The following RRM1 variants were observed in gnomAD, a reference collection of about 807,000 sequenced individuals.
RRM1 encodes ribonucleotide reductase catalytic subunit M1, also known as ribonucleoside-diphosphate reductase large subunit.
In RRM1, 19 loss-of-function variants were observed where a neutral mutation model predicts 101.5. The observed-to-expected ratio is 0.19, with a 90% CI of 0.13 to 0.27. The LOEUF is 0.27. Among genes scored for constraint, RRM1 ranks in the 10% least tolerant of loss-of-function variants. The pLI is 1.00. For synonymous variants in RRM1, 298 were observed against 323.4 expected, an observed-to-expected ratio of 0.92 and a Z score of 0.84; for missense variants, 500 against 962.9, an observed-to-expected ratio of 0.52 and a Z score of 6.36.
intron 15 of RRM1, among the ~76,000 whole-genome samples, chr11:4,130,086 A>ATATATATTTTTTT (rs1202870487): frequency 7.0e-5 from 7 of 99,446 alleles, no homozygotes; most frequent in Admixed American, 2.2e-4. Context: ...ATATATATAT[A>ATATATATTTTTTT]TTTTTTTTTT....
chr11:4,111,623 T>C lies in RRM1; in HGVS notation c.470T>C (p.Leu157Ser). The change falls in exon 6 of 19, where the codon TTG (leucine) becomes TCG (serine). Residue 157 changes from leucine to serine, a missense_variant. Physicochemically the swap from Leu to Ser is moderately radical, Grantham distance 145. Around this residue, in one of 9 missense-constraint regions of RRM1, gnomAD observed 111 missense variants for 219.8 expected, o/e 0.51. Coordinates refer to ENST00000300738, the MANE Select transcript of RRM1 (RefSeq NM_001033.5). ...TAGACGCTAGAGCGGTCTTATTTGTTGAAGATCAATGGAAAAGGTGAGAAA... is the reference window on the plus strand; with the variant it reads ...TAGACGCTAGAGCGGTCTTATTTGTCGAAGATCAATGGAAAAGGTGAGAAA... The part of the protein sequence containing the change: ...GFKTLERSYL[L>S]KINGKVAERP... The C allele has an allele frequency of 6.2e-7, 1 of 1,605,110 alleles. No individual in the cohort carries two copies. Among genetic ancestry groups the C allele is most frequent in the South Asian group, 1.1e-5 (1 of 88,436 alleles).
chr11:4,124,926 T>TA (rs1565187490), intron 12 of RRM1, among the ~76,000 whole-genome samples: 136 of 151,522 alleles, frequency 9.0e-4, no homozygotes, highest in East Asian at 6.4e-3. Context: ...TTTTATTTTT[T>TA]TTTTTTTGAG....
At chr11:4,109,736 A>T in intron 5 of RRM1, 33 bp downstream of exon 5, 1 of 1,492,618 alleles carries the variant, frequency 6.7e-7, no homozygotes, top group South Asian at 1.2e-5. Context: ...GTGGGAATTT[A>T]TACTTAAATC....
chr11:4,094,757 T>A, upstream of RRM1: 4 of 574,458 alleles, frequency 7.0e-6, no homozygotes, highest in Non-Finnish European at 1.3e-5. Context: ...ACCCCGGGCG[T>A]GGGCCGCAGC....
intron 9 of RRM1, among the ~76,000 whole-genome samples, chr11:4,120,306 T>C (rs1186159315): frequency 1.3e-5 from 2 of 152,222 alleles, no homozygotes; most frequent in East Asian, 3.8e-4. Context: ...GCAAAGAATT[T>C]CTCAAGTTGT....
At chr11:4,134,370 C>G (rs1048731031) in intron 17 of RRM1, among the ~76,000 whole-genome samples, 1 of 152,106 alleles carries the variant, frequency 6.6e-6, no homozygotes, top group South Asian at 2.1e-4. Context: ...GAGAGTCAAG[C>G]TTAATTAAAA....
chr11:4,098,942 C>A (rs1159677461), intron 1 of RRM1, among the ~76,000 whole-genome samples: 1 of 151,876 alleles, frequency 6.6e-6, no homozygotes, highest in East Asian at 1.9e-4. Context: ...TTGAGCTGAA[C>A]CCTAAATAGT....
chr11:4,103,179 G>A (rs1453640574), intron 2 of RRM1, among the ~76,000 whole-genome samples: 1 of 152,176 alleles, frequency 6.6e-6, no homozygotes, highest in African/African-American at 2.4e-5. Flanking sequence ...GATGGGCTGT[G>A]TATCTTATTC....
intron 7 of RRM1, among the ~76,000 whole-genome samples, 174 bp from the exon 8 acceptor site, chr11:4,118,146 G>T (rs2094576384): frequency 6.6e-6 from 1 of 151,128 alleles, no homozygotes; most frequent in African/African-American, 2.4e-5. Flanking sequence ...ATTTCGATAT[G>T]TTTTATTGTG....
chr11:4,134,950 A>G (rs1176444423), intron 17 of RRM1, 132 bp from the exon 18 acceptor site: 1 of 609,340 alleles, frequency 1.6e-6, no homozygotes, highest in East Asian at 2.9e-5. Flanking sequence ...GGATCATATC[A>G]TATGATACTG....
In RRM1 at chr11:4,138,475, C is replaced by A; in HGVS notation, c.*92C>A. 2 of 864,228 alleles carry A rather than the reference C, an allele frequency of 2.3e-6. No individual in the cohort carries two copies. The highest frequency in any genetic ancestry group is 3.2e-6 in the Non-Finnish European group (2 of 618,534). 53.5% of individuals were successfully genotyped at this position (864,228 alleles called of 1,614,324 possible). A position where few individuals can be genotyped will look rare whatever the true frequency, so the allele number is the denominator to read the frequency against. On this transcript the variant is annotated 3_prime_UTR_variant, in exon 19 of 19. Coordinates refer to ENST00000300738, the MANE Select transcript of RRM1 (RefSeq NM_001033.5). ...AGTGGGTTTGCTTGAGGTGGTAAGGCTTTGCTGGACCCTGTTGCAGGCAAA... is the reference window on the plus strand; with the variant it reads ...AGTGGGTTTGCTTGAGGTGGTAAGGATTTGCTGGACCCTGTTGCAGGCAAA...
intron 9 of RRM1, among the ~76,000 whole-genome samples, chr11:4,121,222 C>T (rs2094581392): frequency 6.6e-6 from 1 of 152,082 alleles, no homozygotes; most frequent in Admixed American, 6.5e-5. Flanking sequence ...TAAGACAGAT[C>T]AACTTTTTGA....
chr11:4,128,357 C>T (rs2094593472), intron 14 of RRM1, among the ~76,000 whole-genome samples: 1 of 152,148 alleles, frequency 6.6e-6, no homozygotes, highest in African/African-American at 2.4e-5. Flanking sequence ...AGTGATCCGC[C>T]TGCCTTGGCC....
chr11:4,101,834 A>G (rs2094551831), intron 1 of RRM1, 159 bp from the exon 2 acceptor site: 4 of 592,156 alleles, frequency 6.8e-6, no homozygotes, highest in Non-Finnish European at 1.2e-5. Context: ...AGAGAAGACA[A>G]TCTCTTCATG....
intron 7 of RRM1, among the ~76,000 whole-genome samples, chr11:4,112,577 T>C (rs953510158): frequency 7.9e-5 from 12 of 152,230 alleles, no homozygotes; most frequent in African/African-American, 2.9e-4. Context: ...TTGGTCAGGC[T>C]GGTCTTAAAC....
chr11:4,107,052 C>T (rs1463389523), intron 3 of RRM1, among the ~76,000 whole-genome samples: 1 of 152,070 alleles, frequency 6.6e-6, no homozygotes, highest in Admixed American at 6.5e-5. Context: ...CATCACCACG[C>T]CCGGCTAATT....
At chr11:4,098,840 G>A (rs955771501) in intron 1 of RRM1, among the ~76,000 whole-genome samples, 3 of 152,194 alleles carry the variant, frequency 2.0e-5, no homozygotes, top group Non-Finnish European at 1.5e-5. Flanking sequence ...TGATTAATGA[G>A]ATGATAGTAA....
chr11:4,109,835 G>A (rs999353908), intron 5 of RRM1, 132 bp downstream of exon 5: 32 of 612,246 alleles, frequency 5.2e-5, no homozygotes, highest in Non-Finnish European at 8.1e-5. Context: ...GAATTAGTGG[G>A]GTTAAGGTAG....
At chr11:4,127,866 TCA>T (rs1389137410) in intron 14 of RRM1, among the ~76,000 whole-genome samples, 2 of 152,244 alleles carry the variant, frequency 1.3e-5, no homozygotes, top group Non-Finnish European at 2.9e-5. Context: ...ATTCGTTATC[TCA>T]CAGTTTCCAC....
Sources: gnomAD v4.1 joint callset for allele counts (sites outside exome capture counted in the v4.1 genomes callset) on GRCh38, gnomAD v4.1.1 for gene constraint, gnomAD v4.1.1 regional missense constraint, MANE v1.5 for transcripts, NCBI Gene and HGNC (gene_info 2026-07-23, HGNC 2026-07-21) for gene names.